Variants in KAT6A observed in about 807,000 individuals in gnomAD.
KAT6A encodes the protein lysine acetyltransferase 6A.
KAT6A carries 9 observed loss-of-function variants against 198.4 expected under a neutral mutation model. That is an observed-to-expected ratio of 0.05 (90% CI 0.03 to 0.08). The LOEUF (loss-of-function observed/expected upper bound fraction) is 0.08, where lower values mean the gene tolerates loss of function less well. Ranked by LOEUF, KAT6A falls within the 10% of genes least tolerant of loss-of-function variation. The probability of loss-of-function intolerance (pLI) is 1.00; values close to 1 mark genes in which losing one functional copy is unlikely to be tolerated. For missense variants in KAT6A, 2,077 were observed against 2,509.9 expected, an observed-to-expected ratio of 0.83 and a Z score of 3.69; for synonymous variants, 890 against 883.0, an observed-to-expected ratio of 1.01 and a Z score of -0.14.
At chr8:41,986,520 A>C (rs1013966287) in intron 3 of KAT6A, among the ~76,000 whole-genome samples, 1 of 152,228 alleles carries the variant, frequency 6.6e-6, no homozygotes, top group Non-Finnish European at 1.5e-5. Flanking sequence ...TGATTTAAGC[A>C]GATGTTAAAT....
intron 8 of KAT6A, chr8:41,957,284 T>C (rs1275878220): frequency 1.8e-6 from 1 of 563,700 alleles, no homozygotes; most frequent in East Asian, 4.1e-5. Flanking sequence ...TGAGCCCGCC[T>C]CCACTCCCAG....
chr8:42,044,098 C>CT (rs36067311), intron 2 of KAT6A, among the ~76,000 whole-genome samples: 4,439 of 127,868 alleles, frequency 0.035, 97 homozygotes, highest in Non-Finnish European at 0.047. Context: ...TGGGTAAAAA[C>CT]TTTTTTTTTT....
chr8:41,959,183 T>C (rs1319053775), intron 8 of KAT6A, among the ~76,000 whole-genome samples: 2 of 144,794 alleles, frequency 1.4e-5, no homozygotes, highest in African/African-American at 5.1e-5. Flanking sequence ...AAAAAAAAGT[T>C]GGAAAAGTTT....
At chr8:42,033,957 T>C (rs1827254260) in intron 2 of KAT6A, among the ~76,000 whole-genome samples, 1 of 152,194 alleles carries the variant, frequency 6.6e-6, no homozygotes, top group African/African-American at 2.4e-5. Flanking sequence ...TAAAATGGTC[T>C]ATGATGCAAG....
chr8:41,970,201 G>A (rs971685719), intron 8 of KAT6A, among the ~76,000 whole-genome samples: 2 of 152,176 alleles, frequency 1.3e-5, no homozygotes, highest in African/African-American at 4.8e-5. Flanking sequence ...GATGCTAAAT[G>A]AATAAGCCTC....
intron 16 of KAT6A, 22 bp from the exon 17 acceptor site, chr8:41,934,889 C>T (rs758753187): frequency 1.9e-6 from 3 of 1,551,712 alleles, no homozygotes; most frequent in Non-Finnish European, 8.7e-7. Context: ...GGAAAAAAAA[C>T]AAAGACAGGT....
intron 2 of KAT6A, among the ~76,000 whole-genome samples, chr8:42,014,933 C>T (rs771057862): frequency 6.6e-6 from 1 of 152,112 alleles, no homozygotes; most frequent in Non-Finnish European, 1.5e-5. Context: ...CAGGATTACG[C>T]TAGGAAAGGA....
At chr8:41,975,177 T>C (rs1018205332) in intron 7 of KAT6A, among the ~76,000 whole-genome samples, 7 of 152,142 alleles carry the variant, frequency 4.6e-5, no homozygotes, top group African/African-American at 1.4e-4. Context: ...GTTTAATGCA[T>C]CAACGTTCAA....
chr8:42,018,295 G>A (rs971127799), intron 2 of KAT6A, among the ~76,000 whole-genome samples: 17 of 152,232 alleles, frequency 1.1e-4, no homozygotes, highest in African/African-American at 4.1e-4. Context: ...TTGCACTTTG[G>A]GAGGCTGAGG....
At chr8:41,966,188 T>C (rs1019701346) in intron 8 of KAT6A, among the ~76,000 whole-genome samples, 2 of 152,082 alleles carry the variant, frequency 1.3e-5, no homozygotes, top group African/African-American at 2.4e-5. Flanking sequence ...CTGCTTGCTA[T>C]CTCAGTGGCA....
At chr8:42,026,296 A>T (rs1044096114) in intron 2 of KAT6A, among the ~76,000 whole-genome samples, 2 of 152,002 alleles carry the variant, frequency 1.3e-5, no homozygotes, top group South Asian at 4.1e-4. Context: ...TGTTTTTTCT[A>T]TTTCTGTGAA....
Position 41,934,113 on chromosome 8 carries a change from G to A in KAT6A, c.4107C>T (p.Thr1369=), listed in dbSNP as rs371651920. The change falls in exon 17 of 17, where the codon ACC becomes ACT. Residue 1369 remains threonine (T), a synonymous_variant. Coordinates refer to ENST00000265713, the MANE Select transcript of KAT6A (RefSeq NM_006766.5). ...GCTGCTCCTCTTCGGAATCCAGCTC[G>A]GTTTCCTCTTTATCCTTTATCTTTT... The part of the protein sequence containing the change: ...SREKIKDKEE[T]ELDSEEEQPS... 52 of 1,613,996 alleles carry A rather than the reference G, an allele frequency of 3.2e-5. No homozygotes were observed. The highest frequency in any genetic ancestry group is 1.2e-4 in the Admixed American group (7 of 60,008).
chr8:41,933,017 T>C lies in KAT6A; in HGVS notation c.5203A>G (p.Ile1735Val). The C allele has an allele frequency of 6.2e-7, 1 of 1,614,044 alleles. No individual in the cohort carries two copies. Among genetic ancestry groups the C allele is most frequent in the African/African-American group, 1.3e-5 (1 of 74,992 alleles). Residue 1735 changes from isoleucine (I) to valine (V), a missense_variant, in exon 17 of 17, where the codon ATT becomes GTT. Physicochemically the swap from Ile to Val is conservative, Grantham distance 29. Coordinates refer to ENST00000265713, the MANE Select transcript of KAT6A (RefSeq NM_006766.5). This position sits in a 1 kb window ranked among gnomAD's most constrained non-coding sequence, Gnocchi z 6.2. ...CTGCCGGCACCAAAATCCCCTGGAA[T>C]CCTCTCATAGATACTTATGTTCCCA... ...STGNISIYER[I>V]PGDFGAGSYS... is the part of the protein sequence containing the mutation.
chr8:41,937,300 T>C lies in KAT6A; in HGVS notation c.3308A>G (p.Lys1103Arg), dbSNP rs1413960239. Reference protein sequence around the residue: ...VLRCQSSSKRKSKDEEEDEES... With the variant: ...VLRCQSSSKRRSKDEEEDEES... Reference sequence around the variant, plus strand: ...TTCATCTTCTTCTTCATCTTTAGACTTCCTCTTAGAAGAGGACTGACACCT... The same window carrying C: ...TTCATCTTCTTCTTCATCTTTAGACCTCCTCTTAGAAGAGGACTGACACCT... Residue 1103 changes from lysine to arginine, a missense_variant, in exon 16 of 17, where the codon AAG (lysine) becomes AGG (arginine). Physicochemically the swap from Lys to Arg is conservative, Grantham distance 26. Around this residue, in one of 13 missense-constraint regions of KAT6A, gnomAD observed 375 missense variants for 383.0 expected, o/e 0.98. Transcript: ENST00000265713. The C allele has an allele frequency of 1.9e-6, 3 of 1,613,976 alleles. No individual in the cohort carries two copies. The highest frequency in any genetic ancestry group is 2.5e-6 in the Non-Finnish European group (3 of 1,179,848).
chr8:41,932,519 C>T lies in KAT6A; in HGVS notation c.5701G>A (p.Val1901Ile), dbSNP rs545610943. The part of the protein sequence containing the change: ...LAVQRGMNMG[V>I]NLMPTPAYNV... The stretch of plus-strand genomic sequence containing the variant: ...TAGGCGGGAGTAGGCATCAGATTAA[C>T]CCCCATGTTCATGCCACGCTGAACA... The change falls in exon 17 of 17, where the codon GTT (valine) becomes ATT (isoleucine). Residue 1901 changes from valine to isoleucine, a missense_variant. By Grantham distance (29) the Val-to-Ile change is conservative. This residue lies in a region of KAT6A where 500 missense variants were observed against 577.2 expected (regional missense o/e 0.87). Coordinates refer to ENST00000265713, the MANE Select transcript of KAT6A (RefSeq NM_006766.5). 12 of 1,614,236 alleles carry T rather than the reference C, an allele frequency of 7.4e-6. No individual in the cohort carries two copies. The highest frequency in any genetic ancestry group is 1.3e-5 in the African/African-American group (1 of 75,058).
intron 2 of KAT6A, among the ~76,000 whole-genome samples, chr8:42,002,485 T>TG (rs983859972): frequency 6.6e-6 from 1 of 152,040 alleles, no homozygotes; most frequent in Non-Finnish European, 1.5e-5. Context: ...CACTTGAACC[T>TG]GGGGGGTGGA....
In KAT6A at chr8:41,930,875, C is replaced by CCTA. The variant is rs1821509416; in HGVS notation, c.*1327_*1329dup. 4.7e-6 allele frequency: 1 copy of CCTA among 214,524 alleles called. No homozygotes were observed. The highest frequency in any genetic ancestry group is 9.4e-6 in the Non-Finnish European group (1 of 106,332). 13.3% of individuals were successfully genotyped at this position (214,524 alleles called of 1,614,324 possible). ...ATAACATTCTGCTGTCCAGATCTGC[C>CCTA]CTACTGTGCTGGTGGTCGGTCTGTC... is the stretch of plus-strand genomic sequence containing the variant. On this transcript the variant is annotated 3_prime_UTR_variant, in exon 17 of 17. Transcript: ENST00000265713.
chr8:42,005,796 A>ACACACACACACACACACACT (rs71239089), intron 2 of KAT6A, among the ~76,000 whole-genome samples: 26 of 148,792 alleles, frequency 1.7e-4, no homozygotes, highest in African/African-American at 6.3e-4. Context: ...ACACACACAC[A>ACACACACACACACACACACT]CACTCACTCT....
chr8:41,943,087 T>C (rs1348157741), intron 13 of KAT6A, 87 bp from the exon 14 acceptor site: 26 of 1,531,656 alleles, frequency 1.7e-5, no homozygotes, highest in Middle Eastern at 4.7e-4. Context: ...TGGTGAAGCA[T>C]GTAAGATGAT....
Sources: allele counts gnomAD v4.1 joint callset (sites outside exome capture counted in the v4.1 genomes callset), GRCh38; gene constraint gnomAD v4.1.1; regional missense constraint gnomAD v4.1.1; non-coding constraint Gnocchi (gnomAD v3.1); transcripts MANE v1.5; gene names NCBI Gene and HGNC (gene_info 2026-07-23, HGNC 2026-07-21).